The following SULT1B1 variants were observed in gnomAD, a reference collection of about 807,000 sequenced individuals.
SULT1B1 encodes sulfotransferase family 1B member 1, also known as sulfotransferase 1B1.
SULT1B1 carries 28 observed loss-of-function variants against 34.6 expected under a neutral mutation model. That is an observed-to-expected ratio of 0.81 (90% CI 0.60 to 1.11). The LOEUF (loss-of-function observed/expected upper bound fraction) is 1.11, where lower values mean the gene tolerates loss of function less well. Among genes scored for constraint, SULT1B1 ranks in the 50% least tolerant of loss-of-function variants. SULT1B1 has a pLI of 0.00. For missense variants in SULT1B1, 374 were observed against 352.2 expected (o/e 1.06, Z -0.50); for synonymous variants, 147 against 110.2 (o/e 1.33, Z -2.09).
rs537933326 is a variant in SULT1B1 at position 69,736,808 on chromosome 4, A to T, written c.376-2544T>A. Among the ~76,000 whole-genome samples, 18 of 152,190 alleles carry T rather than the reference A, an allele frequency of 1.2e-4. No homozygotes were observed. In the South Asian group the frequency reaches 3.7e-3, roughly 32 times the overall value. On this transcript the variant is annotated intron_variant, in intron 4 of 7. Transcript: ENST00000310613. ...CAATAGAATTTACTCAATGTTAACA[A>T]CACAGAGAAAATAGAATAAAGACAA... is the stretch of plus-strand genomic sequence containing the variant.
chr4:69,722,645 G>A lies in SULT1B1; in HGVS notation c.*4443C>T, dbSNP rs1023452878. Reference sequence around the variant, plus strand: ...AGAAGCAAGTATCTCCAGAATAATAGGTGTACTACTTCTATGAGGTTTGTT... The same window carrying A: ...AGAAGCAAGTATCTCCAGAATAATAAGTGTACTACTTCTATGAGGTTTGTT... On this transcript the variant is annotated 3_prime_UTR_variant, in exon 8 of 8. Transcript: ENST00000310613. 6.6e-6 allele frequency: 1 copy of A among 151,930 alleles called. No individual in the cohort carries two copies. The highest frequency in any genetic ancestry group is 2.4e-5 in the African/African-American group (1 of 41,360). The allele number at this position is 151,930 out of a possible 1,614,324, so 9.4% of individuals were successfully genotyped here.
chr4:69,735,732 A>T (rs779707907), intron 4 of SULT1B1, among the ~76,000 whole-genome samples: 73 of 152,308 alleles, frequency 4.8e-4, no homozygotes, highest in Admixed American at 1.9e-3. Context: ...TCAAATGTTA[A>T]GTTATCTGAC....
In SULT1B1 at chr4:69,753,169, T is replaced by C. The variant is rs951898587; in HGVS notation, c.277+1501A>G. On this transcript the variant is annotated intron_variant, in intron 3 of 7. Transcript: ENST00000310613. ...ATGTCACAAAGCTAACATTTCACAA[T>C]TGAATTATTAATAACCCTACACCCA... 2.0e-5 allele frequency among the ~76,000 whole-genome samples: 3 copies of C among 152,210 alleles called. No individual in the cohort carries two copies. In the East Asian group the frequency reaches 5.8e-4, roughly 29 times the overall value.
chr4:69,746,928 A>G (rs144699751), intron 4 of SULT1B1, among the ~76,000 whole-genome samples: 102 of 152,146 alleles, frequency 6.7e-4, no homozygotes, highest in African/African-American at 2.4e-3. Flanking sequence ...ATTTGGGTTT[A>G]TTAGATTGTT....
intron 4 of SULT1B1, among the ~76,000 whole-genome samples, chr4:69,741,375 TG>T (rs771015920): frequency 6.6e-6 from 1 of 152,214 alleles, no homozygotes; most frequent in African/African-American, 2.4e-5. Context: ...GTTCTTTTTT[TG>T]TTCCATATGA....
chr4:69,733,301 G>T, intron 6 of SULT1B1, 112 bp downstream of exon 6: 1 of 632,030 alleles, frequency 1.6e-6, no homozygotes, highest in South Asian at 3.1e-5. Context: ...TGGTGGATAG[G>T]CAAAGCAATC....
chr4:69,757,768 A>G (rs562773419), intron 1 of SULT1B1, among the ~76,000 whole-genome samples: 1 of 152,316 alleles, frequency 6.6e-6, no homozygotes, highest in African/African-American at 2.4e-5. Flanking sequence ...TTGTCCTGAA[A>G]CATGTAGCAT....
intron 4 of SULT1B1, 84 bp downstream of exon 4, chr4:69,749,636 CA>C: frequency 2.0e-6 from 2 of 1,000,644 alleles, no homozygotes; most frequent in Non-Finnish European, 3.1e-6. Context: ...GTTAAAGAAA[CA>C]AAAAATATTT....
intron 4 of SULT1B1, among the ~76,000 whole-genome samples, chr4:69,742,337 G>A (rs535832643): frequency 1.3e-5 from 2 of 152,178 alleles, no homozygotes; most frequent in South Asian, 4.1e-4. Context: ...TTTCTTTTTT[G>A]TTGTGCCTCT....
At chr4:69,749,656 A>G in intron 4 of SULT1B1, 65 bp downstream of exon 4, 1 of 1,153,182 alleles carries the variant, frequency 8.7e-7, no homozygotes, top group East Asian at 2.4e-5. Context: ...TTTAAAAAAT[A>G]AACTATGTGA....
At position 69,734,138 on chromosome 4, in the gene SULT1B1, C is replaced by T. The variant is rs554426974; in HGVS notation, c.502G>A (p.Val168Met). ...CAATTTTAAGATAAAGTCCACATAC[C>T]TTTTCCAGTTAAGAATTTCTCCAGA... Reference protein sequence around the residue: ...EYLEKFLTGKVAYGSWFTHVK... With the variant: ...EYLEKFLTGKMAYGSWFTHVK... The change falls in exon 5 of 8, where the codon GTG (valine) becomes ATG (methionine). Residue 168 changes from valine to methionine, a missense_variant and splice_region_variant. Val to Met is a conservative substitution (Grantham distance 21, BLOSUM62 1). Coordinates refer to ENST00000310613, the MANE Select transcript of SULT1B1 (RefSeq NM_014465.4). 4 of 1,603,912 alleles carry T rather than the reference C, an allele frequency of 2.5e-6. No homozygotes were observed. The highest frequency in any genetic ancestry group is 2.7e-5 in the African/African-American group (2 of 74,432).
chr4:69,728,366 T>G (rs552826277), intron 7 of SULT1B1, among the ~76,000 whole-genome samples: 1 of 152,162 alleles, frequency 6.6e-6, no homozygotes, highest in African/African-American at 2.4e-5. Flanking sequence ...ACATAATCTA[T>G]CCCACCCTCA....
intron 4 of SULT1B1, among the ~76,000 whole-genome samples, chr4:69,735,211 TGC>T (rs1718254720): frequency 6.6e-6 from 1 of 152,210 alleles, no homozygotes; most frequent in Non-Finnish European, 1.5e-5. Flanking sequence ...AGCTGAGTAA[TGC>T]CAATGTGGTG....
chr4:69,757,627 A>C (rs1719241455), intron 1 of SULT1B1, among the ~76,000 whole-genome samples: 1 of 152,092 alleles, frequency 6.6e-6, no homozygotes, highest in Admixed American at 6.5e-5. Context: ...AATTTGGGCA[A>C]ATATTTTTTC....
chr4:69,721,316 C>T lies in SULT1B1; in HGVS notation c.*5772G>A, dbSNP rs1717664530. Reference sequence around the variant, plus strand: ...ATACATAAGAAGACATTTGTGAAGACAGCTTACATAATAAAAACAATTTAT... The same window carrying T: ...ATACATAAGAAGACATTTGTGAAGATAGCTTACATAATAAAAACAATTTAT... On this transcript the variant is annotated 3_prime_UTR_variant, in exon 8 of 8. Coordinates refer to ENST00000310613, the MANE Select transcript of SULT1B1 (RefSeq NM_014465.4). The T allele has an allele frequency of 6.6e-6, 1 of 151,994 alleles. No individual in the cohort carries two copies. The highest frequency in any genetic ancestry group is 1.5e-5 in the Non-Finnish European group (1 of 67,994). 9.4% of individuals were successfully genotyped at this position (151,994 alleles called of 1,614,324 possible). A position where few individuals can be genotyped will look rare whatever the true frequency, so the allele number is the denominator to read the frequency against.
Position 69,724,085 on chromosome 4 carries a change from G to A in SULT1B1, c.*3003C>T, listed in dbSNP as rs1365335749. The A allele has an allele frequency of 6.6e-6, 1 of 152,154 alleles. No individual in the cohort carries two copies. 9.4% of individuals were successfully genotyped at this position (152,154 alleles called of 1,614,324 possible). ...AATTAGGAGAAGAGGAAGTCAAATT[G>A]TCCCTGTTTGCAGATGACATGATTG... is the stretch of plus-strand genomic sequence containing the variant. On this transcript the variant is annotated 3_prime_UTR_variant, in exon 8 of 8. Transcript: ENST00000310613.
rs945315617 is a variant in SULT1B1, at chr4:69,747,744, A to C, written c.375+1977T>G. 2.0e-5 allele frequency among the ~76,000 whole-genome samples: 3 copies of C among 152,156 alleles called. No homozygotes were observed. The East Asian group carries it at 5.8e-4, about 29-fold the overall frequency. On this transcript the variant is annotated intron_variant, in intron 4 of 7. Transcript: ENST00000310613. ...CTCTGGGCATCAAGGAGTCTCCTGC[A>C]GCTAGGATCCTGGAGGTCCATGGTA...
chr4:69,731,187 G>A (rs939196079), intron 6 of SULT1B1, among the ~76,000 whole-genome samples: 3 of 152,196 alleles, frequency 2.0e-5, no homozygotes, highest in African/African-American at 7.2e-5. Flanking sequence ...GAAGATGTGA[G>A]TGGTGGAAGA....
Position 69,755,188 on chromosome 4 carries a change from T to C in SULT1B1, c.30A>G (p.Lys10=). The change falls in exon 2 of 8, where the codon AAA becomes AAG. Residue 10 remains lysine (K), a synonymous_variant. Coordinates refer to ENST00000310613, the MANE Select transcript of SULT1B1 (RefSeq NM_014465.4). ...GATAACCATGGACCAACTTCAGATC[T>C]TTTCGCAGAATATCTTTTGGGGAAA... MLSPKDILR[K]DLKLVHGYPM... 6.2e-7 allele frequency: 1 copy of C among 1,613,738 alleles called. No individual in the cohort carries two copies. The highest frequency in any genetic ancestry group is 8.5e-7 in the Non-Finnish European group (1 of 1,179,650).
Sources: gnomAD v4.1 joint callset for allele counts (sites outside exome capture counted in the v4.1 genomes callset) on GRCh38, gnomAD v4.1.1 for gene constraint, MANE v1.5 for transcripts, NCBI Gene and HGNC (gene_info 2026-07-23, HGNC 2026-07-21) for gene names.